Variants in JARID2 observed in about 807,000 individuals in gnomAD.
The protein encoded by JARID2 is jumonji and AT-rich interaction domain containing 2.
In JARID2, 21 loss-of-function variants were observed where a neutral mutation model predicts 125.6. The observed-to-expected ratio is 0.17, with a 90% CI of 0.12 to 0.24. The LOEUF is 0.24. Ranked by LOEUF, JARID2 falls within the 10% of genes least tolerant of loss-of-function variation. The probability of loss-of-function intolerance (pLI) is 1.00; values close to 1 mark genes in which losing one functional copy is unlikely to be tolerated. For synonymous variants in JARID2, 736 were observed against 661.6 expected (o/e 1.11, Z -1.73); for missense variants, 1,303 against 1,639.6 (o/e 0.79, Z 3.55).
At chr6:15,391,157 G>C (rs1172767539) in intron 2 of JARID2, among the ~76,000 whole-genome samples, 1 of 152,124 alleles carries the variant, frequency 6.6e-6, no homozygotes, top group Admixed American at 6.6e-5. Context: ...CCCCTTCTAG[G>C]TTCTGAATGC....
intron 2 of JARID2, among the ~76,000 whole-genome samples, chr6:15,403,400 A>AT (rs1315626801): frequency 6.6e-6 from 1 of 152,032 alleles, no homozygotes; most frequent in Admixed American, 6.6e-5. Flanking sequence ...GTTCTTACTC[A>AT]TTTGGGGTCT....
intron 4 of JARID2, among the ~76,000 whole-genome samples, chr6:15,466,818 T>C (rs932978654): frequency 6.6e-6 from 1 of 152,244 alleles, no homozygotes; most frequent in African/African-American, 2.4e-5. Context: ...CTCTTTCTCT[T>C]TTAACTCCTG....
rs549018586 is a variant in JARID2 at position 15,453,084 on chromosome 6, G to A, written c.493+909G>A. Among the ~76,000 whole-genome samples, 11 of 152,304 alleles carry A rather than the reference G, an allele frequency of 7.2e-5. No homozygotes were observed. The East Asian group carries it at 2.1e-3, about 29-fold the overall frequency. ...CCATCATCCCTCACTCAATACATTA[G>A]TGTGTCTTTCCTTCAAATAAGTACA... On this transcript the variant is annotated intron_variant, in intron 4 of 17. Coordinates refer to ENST00000341776, the MANE Select transcript of JARID2 (RefSeq NM_004973.4).
chr6:15,377,762 G>A (rs567997645), intron 2 of JARID2, among the ~76,000 whole-genome samples: 1 of 151,902 alleles, frequency 6.6e-6, no homozygotes, highest in Non-Finnish European at 1.5e-5. Context: ...TGAAACTCCT[G>A]ACGTTGTGAT....
At position 15,487,345 on chromosome 6, in the gene JARID2, C is replaced by A; in HGVS notation, c.709C>A (p.Pro237Thr). 6.2e-7 allele frequency: 1 copy of A among 1,614,196 alleles called. No individual in the cohort carries two copies. The highest frequency in any genetic ancestry group is 8.5e-7 in the Non-Finnish European group (1 of 1,180,042). The change falls in exon 6 of 18, where the codon CCT becomes ACT. Residue 237 changes from proline to threonine, a missense_variant. Physicochemically the swap from Pro to Thr is conservative, Grantham distance 38. Around this residue, in one of 11 missense-constraint regions of JARID2, gnomAD observed 651 missense variants for 581.6 expected, o/e 1.12. Transcript: ENST00000341776. Reference sequence around the variant, plus strand: ...CAGCAGGTCAACACGGGAGAAGGAACCTGTTCAAAAACACAAAAGCAAAGA... The same window carrying A: ...CAGCAGGTCAACACGGGAGAAGGAAACTGTTCAAAAACACAAAAGCAAAGA... ...GSSRSTREKE[P>T]VQKHKSKEAT... is the part of the protein sequence containing the mutation.
At chr6:15,279,408 C>A (rs1760667496) in intron 1 of JARID2, among the ~76,000 whole-genome samples, 1 of 152,166 alleles carries the variant, frequency 6.6e-6, no homozygotes, top group Non-Finnish European at 1.5e-5. Context: ...GTGAGCCTGA[C>A]TTTTCATATG....
chr6:15,452,273 A>G, intron 4 of JARID2, 98 bp downstream of exon 4: 2 of 1,485,032 alleles, frequency 1.3e-6, no homozygotes, highest in Non-Finnish European at 1.8e-6. Flanking sequence ...TGCCATGTTC[A>G]TTTTTCTGTC....
At chr6:15,246,705 CT>C (rs34353647) in intron 1 of JARID2, 121 bp downstream of exon 1, 18 of 889,768 alleles carry the variant, frequency 2.0e-5, no homozygotes, top group South Asian at 1.2e-4. Context: ...AAGGCTGTTT[CT>C]TTTTTTTCTG....
chr6:15,366,774 T>TTCC lies in JARID2; in HGVS notation c.46-7342_46-7340dup, dbSNP rs201430303. ...AGCAGGATTGTTTTTTTGCAGCACC[T>TTCC]TCCGTAAGTGCACCTAGGTTGCCAC... On this transcript the variant is annotated intron_variant, in intron 1 of 17. Transcript: ENST00000341776. Among the ~76,000 whole-genome samples, 1,411 of 152,212 alleles carry TTCC rather than the reference T, an allele frequency of 9.3e-3. 25 individuals are homozygous for TTCC. The highest frequency in any genetic ancestry group is 0.032 in the African/African-American group (1,344 of 41,522).
chr6:15,398,143 A>T (rs567705344), intron 2 of JARID2, among the ~76,000 whole-genome samples: 1 of 152,014 alleles, frequency 6.6e-6, no homozygotes, highest in African/African-American at 2.4e-5. Context: ...TTATAATATT[A>T]AAAAGTTAGC....
At chr6:15,508,209 CTT>C in intron 11 of JARID2, 129 bp from the exon 12 acceptor site, 1 of 636,012 alleles carries the variant, frequency 1.6e-6, no homozygotes, top group East Asian at 2.8e-5. Flanking sequence ...TGCTCACTGT[CTT>C]TTGTCTGGCT....
At chr6:15,386,056 TAAAA>T (rs575542374) in intron 2 of JARID2, among the ~76,000 whole-genome samples, 1 of 152,176 alleles carries the variant, frequency 6.6e-6, no homozygotes, top group African/African-American at 2.4e-5. Context: ...TAAGAAAAAG[TAAAA>T]AAATTATGTC....
At chr6:15,373,770 C>T (rs1193341442) in intron 1 of JARID2, among the ~76,000 whole-genome samples, 1 of 152,178 alleles carries the variant, frequency 6.6e-6, no homozygotes, top group Non-Finnish European at 1.5e-5. Flanking sequence ...GTAAAATGAT[C>T]CATTATCCTT....
intron 1 of JARID2, among the ~76,000 whole-genome samples, chr6:15,271,579 G>A (rs1760298860): frequency 6.6e-6 from 1 of 152,194 alleles, no homozygotes; most frequent in Non-Finnish European, 1.5e-5. Context: ...GGAGGCCAAG[G>A]CATGAGGCTT....
At chr6:15,271,343 C>T (rs1760288185) in intron 1 of JARID2, among the ~76,000 whole-genome samples, 1 of 152,164 alleles carries the variant, frequency 6.6e-6, no homozygotes, top group Non-Finnish European at 1.5e-5. Context: ...TTCTAACAAA[C>T]TCTCAGGGCC....
intron 6 of JARID2, among the ~76,000 whole-genome samples, chr6:15,488,149 T>TC (rs1769973560): frequency 6.6e-6 from 1 of 151,936 alleles, no homozygotes; most frequent in African/African-American, 2.4e-5. Flanking sequence ...TCCTGCGCTG[T>TC]CCCCCCACCC....
chr6:15,506,129 G>A (rs1014900429), intron 9 of JARID2, among the ~76,000 whole-genome samples: 13 of 152,206 alleles, frequency 8.5e-5, no homozygotes, highest in African/African-American at 2.9e-4. Flanking sequence ...TTAAACTTCA[G>A]GCCTGGATTG....
intron 5 of JARID2, 45 bp downstream of exon 5, chr6:15,468,763 G>A: frequency 6.4e-7 from 1 of 1,565,356 alleles, no homozygotes; most frequent in Non-Finnish European, 8.7e-7. Context: ...CTAAAGCTTT[G>A]GGTGAGAGCT....
intron 3 of JARID2, among the ~76,000 whole-genome samples, chr6:15,421,282 G>A (rs1380336426): frequency 6.6e-6 from 1 of 152,062 alleles, no homozygotes; most frequent in Non-Finnish European, 1.5e-5. Context: ...TATAAATCCT[G>A]TCTAGCTTCA....
Sources: allele counts gnomAD v4.1 joint callset (sites outside exome capture counted in the v4.1 genomes callset), GRCh38; gene constraint gnomAD v4.1.1; regional missense constraint gnomAD v4.1.1; transcripts MANE v1.5; gene names NCBI Gene and HGNC (gene_info 2026-07-23, HGNC 2026-07-21).